ADGRL3: variants seen among roughly 807,000 people sequenced by gnomAD.
The protein encoded by ADGRL3 is calcium-independent alpha-latrotoxin receptor 3.
ADGRL3 carries 62 observed loss-of-function variants against 153.5 expected under a neutral mutation model. The ratio of observed to expected loss-of-function variants is 0.40; its 90% confidence interval spans 0.33 to 0.50. The LOEUF is 0.50. Ranked by LOEUF, ADGRL3 falls within the 20% of genes least tolerant of loss-of-function variation. The probability of loss-of-function intolerance (pLI) is 0.47; values close to 1 mark genes in which losing one functional copy is unlikely to be tolerated. For missense variants in ADGRL3, 1,641 were observed against 1,859.4 expected (o/e 0.88, Z 2.16); for synonymous variants, 710 against 672.5 (o/e 1.06, Z -0.86).
At chr4:62,000,754 AT>A (rs963068030) in intron 21 of ADGRL3, among the ~76,000 whole-genome samples, 4 of 151,542 alleles carry the variant, frequency 2.6e-5, no homozygotes, top group African/African-American at 7.3e-5. Flanking sequence ...GGTACAGAGG[AT>A]TTTTTTTCTT....
intron 2 of ADGRL3, among the ~76,000 whole-genome samples, chr4:61,456,841 T>C (rs989862062): frequency 2.6e-5 from 4 of 151,990 alleles, no homozygotes; most frequent in Non-Finnish European, 5.9e-5. Flanking sequence ...TAGAGAATTG[T>C]ATACATCAAT....
chr4:61,336,555 T>G (rs575489132), intron 1 of ADGRL3, among the ~76,000 whole-genome samples: 1 of 152,122 alleles, frequency 6.6e-6, no homozygotes, highest in East Asian at 1.9e-4. Flanking sequence ...ACAGGTTATT[T>G]TGGTGGCTTG....
chr4:61,284,789 G>C (rs1461289897), intron 1 of ADGRL3, among the ~76,000 whole-genome samples: 1 of 151,578 alleles, frequency 6.6e-6, no homozygotes, highest in Non-Finnish European at 1.5e-5. Context: ...TCTTGTGGGG[G>C]AGGGGGTGGA....
chr4:61,588,780 T>C (rs1345443470), intron 5 of ADGRL3, among the ~76,000 whole-genome samples: 1 of 152,024 alleles, frequency 6.6e-6, no homozygotes, highest in African/African-American at 2.4e-5. Context: ...TGTGTAGGTA[T>C]TGTAATGGTG....
chr4:61,223,821 C>G (rs1746721995), intron 1 of ADGRL3, among the ~76,000 whole-genome samples: 2 of 152,134 alleles, frequency 1.3e-5, no homozygotes, highest in Admixed American at 1.3e-4. Flanking sequence ...AAAATTCTAA[C>G]AGATCCCAGA....
At chr4:62,019,938 CTG>C (rs2099230181) in intron 21 of ADGRL3, among the ~76,000 whole-genome samples, 1 of 152,098 alleles carries the variant, frequency 6.6e-6, no homozygotes. Flanking sequence ...GGCGAGAAAA[CTG>C]AGGCTTATAA....
intron 5 of ADGRL3, among the ~76,000 whole-genome samples, chr4:61,640,305 C>G (rs2093607591): frequency 6.6e-6 from 1 of 152,098 alleles, no homozygotes; most frequent in African/African-American, 2.4e-5. Flanking sequence ...GAATTAGTTA[C>G]AGAACAGATC....
intron 8 of ADGRL3, among the ~76,000 whole-genome samples, chr4:61,758,068 A>C (rs934083190): frequency 6.7e-6 from 1 of 149,194 alleles, no homozygotes; most frequent in African/African-American, 2.6e-5. Flanking sequence ...GAATAGGTGC[A>C]GTGTGGTGCA....
intron 2 of ADGRL3, among the ~76,000 whole-genome samples, chr4:61,432,573 C>T (rs62971962): frequency 0.47 from 16,754 of 35,696 alleles, 4,587 homozygotes; most frequent in Middle Eastern, 0.72. Flanking sequence ...TCTTTCTCTT[C>T]CTTTCTTTCT....
intron 3 of ADGRL3, among the ~76,000 whole-genome samples, chr4:61,513,686 A>G (rs1359423889): frequency 1.3e-5 from 2 of 152,220 alleles, no homozygotes; most frequent in East Asian, 1.9e-4. Flanking sequence ...TACAAGGAGT[A>G]TTATATATTA....
At chr4:61,998,812 G>C (rs1387224350) in intron 21 of ADGRL3, among the ~76,000 whole-genome samples, 2 of 151,998 alleles carry the variant, frequency 1.3e-5, no homozygotes, top group Non-Finnish European at 2.9e-5. Context: ...CCTGACCTCA[G>C]ATGATCTGCC....
intron 1 of ADGRL3, among the ~76,000 whole-genome samples, chr4:61,269,752 G>A (rs958893603): frequency 1.3e-5 from 2 of 151,576 alleles, no homozygotes; most frequent in Non-Finnish European, 3.0e-5. Context: ...TGCCTTCCCC[G>A]CAACAAAATC....
intron 6 of ADGRL3, among the ~76,000 whole-genome samples, chr4:61,681,715 T>G (rs1374146195): frequency 6.6e-6 from 1 of 152,098 alleles, no homozygotes; most frequent in Non-Finnish European, 1.5e-5. Flanking sequence ...TAAAACAATC[T>G]AAATATTTAA....
intron 2 of ADGRL3, among the ~76,000 whole-genome samples, chr4:61,426,252 A>G (rs945554217): frequency 6.6e-6 from 1 of 152,224 alleles, no homozygotes; most frequent in South Asian, 2.1e-4. Flanking sequence ...CTGCCCATCT[A>G]TTGGTGCAGA....
chr4:61,536,207 A>C (rs11721793), intron 4 of ADGRL3, among the ~76,000 whole-genome samples: 1 of 151,770 alleles, frequency 6.6e-6, no homozygotes, highest in African/African-American at 2.4e-5. Context: ...TTCCCTGTGG[A>C]ACTGGTTTCT....
intron 17 of ADGRL3, among the ~76,000 whole-genome samples, chr4:61,963,207 T>C (rs1240108881): frequency 6.6e-6 from 1 of 152,124 alleles, no homozygotes; most frequent in African/African-American, 2.4e-5. Context: ...TGAGTTTTTT[T>C]CTGGATTATG....
chr4:61,558,709 C>T (rs1392323914), intron 4 of ADGRL3, among the ~76,000 whole-genome samples: 1 of 151,942 alleles, frequency 6.6e-6, no homozygotes, highest in Non-Finnish European at 1.5e-5. Flanking sequence ...ATCTGGCTAT[C>T]TAGATTTACT....
intron 2 of ADGRL3, among the ~76,000 whole-genome samples, chr4:61,486,518 G>T (rs1482786874): frequency 1.3e-5 from 2 of 152,096 alleles, no homozygotes; most frequent in African/African-American, 4.8e-5. Context: ...GCAAATATTA[G>T]AAACATTCGA....
At chr4:61,416,053 T>G (rs984031703) in intron 2 of ADGRL3, among the ~76,000 whole-genome samples, 3 of 152,116 alleles carry the variant, frequency 2.0e-5, no homozygotes, top group Admixed American at 1.3e-4. Flanking sequence ...TAATCTCTAG[T>G]GCTAAAAAGT....
Sources: gnomAD v4.1 joint callset for allele counts (sites outside exome capture counted in the v4.1 genomes callset) on GRCh38, gnomAD v4.1.1 for gene constraint, MANE v1.5 for transcripts, NCBI Gene and HGNC (gene_info 2026-07-23, HGNC 2026-07-21) for gene names.